The following NRF1 variants were observed in gnomAD, a reference collection of about 807,000 sequenced individuals.
The protein encoded by NRF1 is alpha palindromic-binding protein.
In NRF1, 5 loss-of-function variants were observed where a neutral mutation model predicts 58.5. The ratio of observed to expected loss-of-function variants is 0.09; its 90% CI spans 0.04 to 0.18. The LOEUF (loss-of-function observed/expected upper bound fraction) is 0.18, where lower values mean the gene tolerates loss of function less well. NRF1 is among the 10% of genes least tolerant of loss of function. NRF1 has a pLI of 1.00. For synonymous variants in NRF1, 224 were observed against 246.7 expected (o/e 0.91, Z 0.86); for missense variants, 288 against 657.7 (o/e 0.44, Z 6.15).
chr7:129,679,364 C>T (rs1487170624), intron 4 of NRF1, among the ~76,000 whole-genome samples: 1 of 151,970 alleles, frequency 6.6e-6, no homozygotes, highest in Non-Finnish European at 1.5e-5. Flanking sequence ...GAAATATTTG[C>T]AAATCATGTC....
chr7:129,750,531 A>G (rs529410955), intron 10 of NRF1, among the ~76,000 whole-genome samples: 1 of 152,300 alleles, frequency 6.6e-6, no homozygotes, highest in East Asian at 1.9e-4. Context: ...TTAAGGTGGC[A>G]GTAGACAGAA....
chr7:129,613,403 C>A (rs1437592259), intron 1 of NRF1, among the ~76,000 whole-genome samples: 1 of 152,092 alleles, frequency 6.6e-6, no homozygotes, highest in African/African-American at 2.4e-5. Context: ...TAGTTCTCTC[C>A]GTGCATCTGA....
chr7:129,705,143 G>GTAA (rs1051837065), intron 5 of NRF1, among the ~76,000 whole-genome samples: 1 of 152,020 alleles, frequency 6.6e-6, no homozygotes, highest in African/African-American at 2.4e-5. Flanking sequence ...GATGACTGAG[G>GTAA]TAATAATAAT....
chr7:129,634,841 A>G (rs919015843), intron 1 of NRF1, among the ~76,000 whole-genome samples: 3 of 152,250 alleles, frequency 2.0e-5, no homozygotes, highest in African/African-American at 7.2e-5. Flanking sequence ...TTACTCAGGT[A>G]TATTGATGGA....
At chr7:129,732,357 G>A (rs1363591897) in intron 10 of NRF1, among the ~76,000 whole-genome samples, 5 of 152,212 alleles carry the variant, frequency 3.3e-5, no homozygotes, top group South Asian at 2.1e-4. Context: ...TAACAAGTTC[G>A]TAAGTATTGG....
At chr7:129,742,292 A>G (rs979027528) in intron 10 of NRF1, among the ~76,000 whole-genome samples, 1 of 141,978 alleles carries the variant, frequency 7.0e-6, no homozygotes, top group Admixed American at 7.1e-5. Flanking sequence ...AAAAAAAAAA[A>G]CAAAAAACTT....
chr7:129,657,721 C>T (rs1795059234), intron 2 of NRF1, 147 bp downstream of exon 2: 1 of 608,796 alleles, frequency 1.6e-6, no homozygotes, highest in African/African-American at 1.9e-5. Flanking sequence ...GTGATTCTCC[C>T]ATCTCAGCCT....
intron 5 of NRF1, among the ~76,000 whole-genome samples, chr7:129,696,733 A>G (rs1047324047): frequency 6.6e-6 from 1 of 152,248 alleles, no homozygotes; most frequent in Admixed American, 6.5e-5. Flanking sequence ...TTAGAAATCT[A>G]TATAGGATCC....
intron 10 of NRF1, chr7:129,735,040 C>T: frequency 1.0e-6 from 1 of 985,320 alleles, no homozygotes; most frequent in Non-Finnish European, 1.2e-6. Flanking sequence ...TTTGTTTCCC[C>T]AGCTCCTCAC....
intron 4 of NRF1, among the ~76,000 whole-genome samples, chr7:129,681,636 C>T (rs1246612794): frequency 6.6e-6 from 1 of 152,178 alleles, no homozygotes; most frequent in African/African-American, 2.4e-5. Context: ...TGTAGTGGCA[C>T]AATCTCAGCT....
chr7:129,731,580 G>T (rs568017386), intron 10 of NRF1, among the ~76,000 whole-genome samples: 1 of 151,932 alleles, frequency 6.6e-6, no homozygotes, highest in Non-Finnish European at 1.5e-5. Flanking sequence ...CCTAAGGCTG[G>T]TGAAGGCTAC....
intron 9 of NRF1, among the ~76,000 whole-genome samples, chr7:129,724,932 A>G (rs1215042435): frequency 6.6e-6 from 1 of 152,222 alleles, no homozygotes; most frequent in Non-Finnish European, 1.5e-5. Flanking sequence ...TAGATATGAC[A>G]ACAAAGGCAC....
At chr7:129,689,283 A>G (rs901713291) in intron 4 of NRF1, among the ~76,000 whole-genome samples, 4 of 152,126 alleles carry the variant, frequency 2.6e-5, no homozygotes, top group Admixed American at 6.5e-5. Context: ...AATCCACATA[A>G]TGAGGTATTT....
rs150115253 is a variant in NRF1 at position 129,675,107 on chromosome 7, G to A, written c.339-2525G>A. On this transcript the variant is annotated intron_variant, in intron 3 of 10. Transcript: ENST00000393232. ...AACAATATACATAACATCTTCATCA[G>A]GAGTGGATTTCATCTCAGGAAACCG... Among the ~76,000 whole-genome samples, 789 of 152,240 alleles carry A rather than the reference G, an allele frequency of 5.2e-3. 3 individuals carry two copies. Among genetic ancestry groups the A allele is most frequent in the Non-Finnish European group, 8.3e-3 (566 of 68,018 alleles).
intron 5 of NRF1, among the ~76,000 whole-genome samples, chr7:129,702,592 T>G (rs890840298): frequency 5.9e-5 from 9 of 152,222 alleles, no homozygotes; most frequent in African/African-American, 2.2e-4. Context: ...TTTAGCTCTT[T>G]AATGCCCTTT....
chr7:129,621,707 A>G (rs1800800032), intron 1 of NRF1, among the ~76,000 whole-genome samples: 1 of 152,128 alleles, frequency 6.6e-6, no homozygotes, highest in Non-Finnish European at 1.5e-5. Flanking sequence ...ATTATGTGGT[A>G]ATGCGACTGA....
chr7:129,711,339 A>AT, intron 7 of NRF1, 136 bp from the exon 8 acceptor site: 1 of 602,284 alleles, frequency 1.7e-6, no homozygotes, highest in East Asian at 3.0e-5. Context: ...GTGAGCTATG[A>AT]TTTTAGATTT....
chr7:129,681,106 A>G (rs1246296247), intron 4 of NRF1, among the ~76,000 whole-genome samples: 2 of 152,186 alleles, frequency 1.3e-5, no homozygotes, highest in African/African-American at 4.8e-5. Flanking sequence ...ATAAGAGGGA[A>G]GCAAAGGGAG....
At chr7:129,694,112 A>G (rs1327064742) in intron 5 of NRF1, among the ~76,000 whole-genome samples, 1 of 152,162 alleles carries the variant, frequency 6.6e-6, no homozygotes, top group Non-Finnish European at 1.5e-5. Flanking sequence ...GGAGGTGCAC[A>G]TTTTCTCTAT....
Sources: allele counts gnomAD v4.1 joint callset (sites outside exome capture counted in the v4.1 genomes callset), GRCh38; gene constraint gnomAD v4.1.1; transcripts MANE v1.5; gene names NCBI Gene and HGNC (gene_info 2026-07-23, HGNC 2026-07-21).